CBFA2T2: variants seen among roughly 807,000 people sequenced by gnomAD.
The protein encoded by CBFA2T2 is protein CBFA2T2.
A neutral mutation model predicts 62.2 loss-of-function variants in CBFA2T2; 11 were observed. That is an observed-to-expected ratio of 0.18 (90% confidence interval 0.11 to 0.29). The LOEUF (loss-of-function observed/expected upper bound fraction) is 0.29, where lower values mean the gene tolerates loss of function less well. Among genes scored for constraint, CBFA2T2 ranks in the 10% least tolerant of loss-of-function variants. The probability of loss-of-function intolerance (pLI) is 1.00; values close to 1 mark genes in which losing one functional copy is unlikely to be tolerated. For synonymous variants in CBFA2T2, 295 were observed against 287.5 expected, an observed-to-expected ratio of 1.03 and a Z score of -0.27; for missense variants, 592 against 774.1, an observed-to-expected ratio of 0.76 and a Z score of 2.79.
chr20:33,630,663 T>A (rs2016414486), intron 8 of CBFA2T2, among the ~76,000 whole-genome samples: 1 of 152,188 alleles, frequency 6.6e-6, no homozygotes, highest in South Asian at 2.1e-4. Flanking sequence ...ACCCAGTAAC[T>A]GAGAAAGTGC....
intron 1 of CBFA2T2, among the ~76,000 whole-genome samples, chr20:33,509,492 G>T (rs2011470568): frequency 6.6e-6 from 1 of 152,014 alleles, no homozygotes; most frequent in African/African-American, 2.4e-5. Flanking sequence ...AACCTTTGGG[G>T]AAATAATCTG....
chr20:33,548,244 T>A (rs1357548705), intron 1 of CBFA2T2, among the ~76,000 whole-genome samples: 1 of 151,638 alleles, frequency 6.6e-6, no homozygotes, highest in Non-Finnish European at 1.5e-5. Flanking sequence ...TTTTTATTTT[T>A]ATTTTTTTTA....
chr20:33,607,172 C>A, intron 2 of CBFA2T2, 73 bp downstream of exon 2: 2 of 1,377,070 alleles, frequency 1.5e-6, no homozygotes, highest in Non-Finnish European at 2.0e-6. Flanking sequence ...TTGTATGAAG[C>A]GTTCCACATA....
intron 1 of CBFA2T2, among the ~76,000 whole-genome samples, chr20:33,602,630 T>C (rs1020827187): frequency 6.6e-6 from 1 of 151,984 alleles, no homozygotes; most frequent in African/African-American, 2.4e-5. Context: ...TGGGAAGTAT[T>C]GAACCCTACA....
chr20:33,592,294 C>T lies in CBFA2T2; in HGVS notation c.35-14662C>T, dbSNP rs188964590. On this transcript the variant is annotated intron_variant, in intron 1 of 10. Transcript: ENST00000342704. ...AGGAGAATTGCTGGAACCTGGGAGGCGGAGGTTGCAGTGAGCCAAGATCAT... is the reference window on the plus strand; with the variant it reads ...AGGAGAATTGCTGGAACCTGGGAGGTGGAGGTTGCAGTGAGCCAAGATCAT... 1.6e-4 allele frequency among the ~76,000 whole-genome samples: 24 copies of T among 151,114 alleles called. No homozygotes were observed. The East Asian group carries it at 3.1e-3, about 20-fold the overall frequency.
rs546933159 is a variant in CBFA2T2, at chr20:33,564,906, T to C, written c.35-42050T>C. On this transcript the variant is annotated intron_variant, in intron 1 of 10. Transcript: ENST00000342704. ...AAGGAGACTTTTAAAATGGAACTTT[T>C]CCCAAGTTTTCTTTTCTTTTCTTTT... Among the ~76,000 whole-genome samples the C allele has an allele frequency of 9.5e-4, 144 of 152,084 alleles. 1 individual carries two copies. The highest frequency in any genetic ancestry group is 3.4e-3 in the Middle Eastern group (1 of 294).
intron 1 of CBFA2T2, among the ~76,000 whole-genome samples, chr20:33,556,517 G>T (rs1236205202): frequency 6.6e-6 from 1 of 152,148 alleles, no homozygotes; most frequent in Non-Finnish European, 1.5e-5. Context: ...GGTATATTTA[G>T]AGATGATGAA....
chr20:33,643,154 A>C (rs2016914734), intron 10 of CBFA2T2, among the ~76,000 whole-genome samples: 1 of 152,196 alleles, frequency 6.6e-6, no homozygotes, highest in African/African-American at 2.4e-5. Flanking sequence ...GGGAGGAAGG[A>C]GGCCAGGACT....
chr20:33,559,518 TC>T (rs1041219056), intron 1 of CBFA2T2, among the ~76,000 whole-genome samples: 1 of 151,936 alleles, frequency 6.6e-6, no homozygotes, highest in Non-Finnish European at 1.5e-5. Flanking sequence ...GACAGGGTCT[TC>T]CTCTGTCACC....
At position 33,649,297 on chromosome 20, in the gene CBFA2T2, G is replaced by A. The variant is rs969297377; in HGVS notation, c.*4651G>A. 3.3e-5 allele frequency: 5 copies of A among 152,640 alleles called. No homozygotes were observed. The highest frequency in any genetic ancestry group is 1.2e-4 in the African/African-American group (5 of 41,456). The allele number at this position is 152,640 out of a possible 1,614,324, so 9.5% of individuals were successfully genotyped here. ...TGTCGAGAGCAGCCCTGCCCAGATT[G>A]CGGTGGGGGCTGTGCCAGCGGCTCC... is the stretch of plus-strand genomic sequence containing the variant. On this transcript the variant is annotated 3_prime_UTR_variant, in exon 11 of 11. Coordinates refer to ENST00000342704, the MANE Select transcript of CBFA2T2 (RefSeq NM_001032999.3).
chr20:33,519,546 G>A lies in CBFA2T2; in HGVS notation c.34+29245G>A, dbSNP rs557122861. On this transcript the variant is annotated intron_variant, in intron 1 of 10. Transcript: ENST00000342704. ...ATATGCAAATATTATACCATTTTACGTAAGAGACTTGAGCATTGGTGGATT... is the reference window on the plus strand; with the variant it reads ...ATATGCAAATATTATACCATTTTACATAAGAGACTTGAGCATTGGTGGATT... 2.0e-4 allele frequency among the ~76,000 whole-genome samples: 31 copies of A among 152,222 alleles called. 1 individual carries two copies. In the South Asian group the frequency reaches 5.8e-3, roughly 28 times the overall value.
At chr20:33,618,723 AGAAAT>A (rs750364274) in intron 3 of CBFA2T2, among the ~76,000 whole-genome samples, 2 of 152,162 alleles carry the variant, frequency 1.3e-5, no homozygotes, top group Non-Finnish European at 2.9e-5. Flanking sequence ...ACTTGGAAAA[AGAAAT>A]GAACTTTTGA....
chr20:33,596,587 C>G (rs914655772), intron 1 of CBFA2T2, among the ~76,000 whole-genome samples: 5 of 152,056 alleles, frequency 3.3e-5, no homozygotes, highest in Non-Finnish European at 7.3e-5. Context: ...TCTTGTCTTT[C>G]ATGATCTCTA....
intron 1 of CBFA2T2, among the ~76,000 whole-genome samples, chr20:33,505,118 C>T (rs2011379373): frequency 1.3e-5 from 2 of 152,060 alleles, no homozygotes; most frequent in Admixed American, 6.6e-5. Context: ...TTCGGGTAAT[C>T]AGGTGATTTA....
chr20:33,501,033 A>G (rs1260378156), intron 1 of CBFA2T2, among the ~76,000 whole-genome samples: 2 of 152,238 alleles, frequency 1.3e-5, no homozygotes, highest in Non-Finnish European at 2.9e-5. Context: ...TTTACTTTGC[A>G]ATGTGGCTCT....
chr20:33,564,717 C>CTCAGGCA (rs1194795721), intron 1 of CBFA2T2, among the ~76,000 whole-genome samples: 18 of 151,950 alleles, frequency 1.2e-4, no homozygotes, highest in African/African-American at 4.1e-4. Flanking sequence ...GTAGCTGGGA[C>CTCAGGCA]CACAGGCACG....
chr20:33,569,462 G>T (rs2013461698), intron 1 of CBFA2T2, among the ~76,000 whole-genome samples: 1 of 152,132 alleles, frequency 6.6e-6, no homozygotes, highest in Non-Finnish European at 1.5e-5. Flanking sequence ...TTCCACTTTG[G>T]TTATTGTTCT....
intron 10 of CBFA2T2, among the ~76,000 whole-genome samples, chr20:33,642,116 TTGTG>T (rs869240464): frequency 0.028 from 1,657 of 58,772 alleles, 18 homozygotes; most frequent in East Asian, 0.089. Flanking sequence ...TTTTTTTTTT[TTGTG>T]TGTGTGTGTG....
rs566233214 is a variant in CBFA2T2 at position 33,643,344 on chromosome 20, G to A, written c.1489-1003G>A. On this transcript the variant is annotated intron_variant, in intron 10 of 10. Coordinates refer to ENST00000342704, the MANE Select transcript of CBFA2T2 (RefSeq NM_001032999.3). Reference sequence around the variant, plus strand: ...TAATTCCAGCTCTTTAGGAGGTCAAGGTGGGAGGGTCCTTTGAGGCCAGGA... The same window carrying A: ...TAATTCCAGCTCTTTAGGAGGTCAAAGTGGGAGGGTCCTTTGAGGCCAGGA... 8.5e-5 allele frequency among the ~76,000 whole-genome samples: 13 copies of A among 152,272 alleles called. No individual in the cohort carries two copies. The South Asian group carries it at 2.7e-3, about 32-fold the overall frequency.
Sources: allele counts gnomAD v4.1 joint callset (sites outside exome capture counted in the v4.1 genomes callset), GRCh38; gene constraint gnomAD v4.1.1; transcripts MANE v1.5; gene names NCBI Gene and HGNC (gene_info 2026-07-23, HGNC 2026-07-21).